Variants in ARHGEF28 observed in about 807,000 individuals in gnomAD.
ARHGEF28 encodes Rho guanine nucleotide exchange factor 28, also known as 190 kDa guanine nucleotide exchange factor.
In ARHGEF28, 152 loss-of-function variants were observed where a neutral mutation model predicts 206.6. The ratio of observed to expected loss-of-function variants is 0.74; its 90% CI spans 0.64 to 0.84. ARHGEF28 has a LOEUF of 0.84. ARHGEF28 is among the 40% of genes least tolerant of loss of function. ARHGEF28 has a pLI of 0.00. For missense variants in ARHGEF28, 2,028 were observed against 2,073.2 expected (o/e 0.98, Z 0.42); for synonymous variants, 763 against 776.4 (o/e 0.98, Z 0.29).
At chr5:73,853,668 T>C (rs531534802) in intron 14 of ARHGEF28, among the ~76,000 whole-genome samples, 141 of 152,322 alleles carry the variant, frequency 9.3e-4, no homozygotes, top group African/African-American at 3.2e-3. Flanking sequence ...AGGATGATGA[T>C]AGCAAAAGCA....
rs368089939 is a variant in ARHGEF28, at chr5:73,885,651, A to T, written c.3056-199A>T. Among the ~76,000 whole-genome samples the T allele has an allele frequency of 2.6e-5, 4 of 151,864 alleles. No homozygotes were observed. In the East Asian group the frequency reaches 7.8e-4, roughly 29 times the overall value. The stretch of plus-strand genomic sequence containing the variant: ...GCCACTATGCCTGGCTAATTTTTGT[A>T]TCTTTTTTGGTAGAAACAGGGTTTT... On this transcript the variant is annotated intron_variant, in intron 24 of 35. Coordinates refer to ENST00000513042, the MANE Select transcript of ARHGEF28 (RefSeq NM_001177693.2).
intron 1 of ARHGEF28, among the ~76,000 whole-genome samples, chr5:73,634,588 G>T (rs1183005612): frequency 6.6e-6 from 1 of 152,166 alleles, no homozygotes; most frequent in African/African-American, 2.4e-5. Flanking sequence ...AATGACATGT[G>T]CTTGTCTCCT....
At chr5:73,830,582 A>G (rs1001473696) in intron 9 of ARHGEF28, among the ~76,000 whole-genome samples, 1 of 150,658 alleles carries the variant, frequency 6.6e-6, no homozygotes, top group Non-Finnish European at 1.5e-5. Context: ...AAAAAAGAAA[A>G]TGTTTTTCTT....
chr5:73,858,304 A>G, intron 16 of ARHGEF28, 85 bp downstream of exon 16: 5 of 1,465,862 alleles, frequency 3.4e-6, no homozygotes, highest in Non-Finnish European at 4.5e-6. Flanking sequence ...CAATACATTT[A>G]CATAAACCTT....
At chr5:73,700,292 C>G (rs10515160) in intron 2 of ARHGEF28, among the ~76,000 whole-genome samples, 2 of 152,100 alleles carry the variant, frequency 1.3e-5, no homozygotes, top group African/African-American at 4.8e-5. Context: ...ATTGACGGAA[C>G]ACTTCTAGAA....
intron 2 of ARHGEF28, among the ~76,000 whole-genome samples, chr5:73,701,680 A>G (rs1748611909): frequency 6.6e-6 from 1 of 152,020 alleles, no homozygotes; most frequent in Non-Finnish European, 1.5e-5. Flanking sequence ...TTGTCATTTC[A>G]AGAATGTTAT....
At chr5:73,827,853 T>C (rs1349787913) in intron 9 of ARHGEF28, among the ~76,000 whole-genome samples, 5 of 152,252 alleles carry the variant, frequency 3.3e-5, no homozygotes, top group Admixed American at 3.3e-4. Context: ...CTGGTTCTTA[T>C]TGCAAATTAT....
chr5:73,822,062 T>C (rs1292878244), intron 9 of ARHGEF28, among the ~76,000 whole-genome samples: 1 of 152,158 alleles, frequency 6.6e-6, no homozygotes, highest in Non-Finnish European at 1.5e-5. Flanking sequence ...TTCAATAATG[T>C]TGATTAGTTC....
At chr5:73,642,890 C>T (rs758737496) in intron 1 of ARHGEF28, among the ~76,000 whole-genome samples, 3 of 152,200 alleles carry the variant, frequency 2.0e-5, no homozygotes, top group Admixed American at 6.5e-5. Context: ...TTGCTGCAGT[C>T]ACTGTTACAT....
chr5:73,940,849 G>T lies in ARHGEF28; in HGVS notation c.4954G>T (p.Asp1652Tyr), dbSNP rs1406781945. 2 of 1,491,548 alleles carry T rather than the reference G, an allele frequency of 1.3e-6. No individual in the cohort carries two copies. The highest frequency in any genetic ancestry group is 1.7e-4 in the Middle Eastern group (1 of 5,764). 92.4% of individuals were successfully genotyped at this position (1,491,548 alleles called of 1,614,324 possible). Residue 1652 changes from aspartate to tyrosine, a missense_variant, in exon 36 of 36, where the codon GAC becomes TAC. Physicochemically the swap from Asp to Tyr is radical, Grantham distance 160. Coordinates refer to ENST00000513042, the MANE Select transcript of ARHGEF28 (RefSeq NM_001177693.2). Reference sequence around the variant, plus strand: ...GTGCTGTCTGTTTCTTGCAGATTTGGACACCTCCCACACTGAGTCCCCAAC... The same window carrying T: ...GTGCTGTCTGTTTCTTGCAGATTTGTACACCTCCCACACTGAGTCCCCAAC... ...SSKDSCKNDL[D>Y]TSHTESPTPH...
intron 1 of ARHGEF28, among the ~76,000 whole-genome samples, chr5:73,682,057 C>T (rs1747139842): frequency 6.6e-6 from 1 of 152,252 alleles, no homozygotes; most frequent in African/African-American, 2.4e-5. Flanking sequence ...GCATTCCAGC[C>T]TGGATGACAG....
chr5:73,823,486 T>G (rs1490538815), intron 9 of ARHGEF28, among the ~76,000 whole-genome samples: 2 of 152,210 alleles, frequency 1.3e-5, no homozygotes, highest in African/African-American at 4.8e-5. Context: ...TTTTGTCACC[T>G]AGAAATAGCA....
At chr5:73,876,404 C>T (rs1425871325) in intron 22 of ARHGEF28, among the ~76,000 whole-genome samples, 1 of 102,976 alleles carries the variant, frequency 9.7e-6, no homozygotes, top group Non-Finnish European at 2.0e-5. Context: ...TAATTGAATA[C>T]CCTTTATTTC....
chr5:73,887,644 C>T lies in ARHGEF28; in HGVS notation c.3352C>T (p.Gln1118Ter), dbSNP rs1332509191. The T allele has an allele frequency of 6.4e-7, 1 of 1,574,050 alleles. No homozygotes were observed. Residue 1118 changes from glutamine (Q) to a stop codon, truncating the protein, a stop_gained, in exon 26 of 36, where the codon CAA (glutamine) becomes TAA (stop). Transcript: ENST00000513042. LOFTEE classifies it high-confidence loss of function. Reference protein sequence around the residue: ...LLLTDVLLFLQEKDQKYIFAA... With the variant: ...LLLTDVLLFL Reference sequence around the variant, plus strand: ...TCTAACTGATGTGCTGCTCTTTTTACAAGAAAAAGACCAGAAATACATCTT... The same window carrying T: ...TCTAACTGATGTGCTGCTCTTTTTATAAGAAAAAGACCAGAAATACATCTT...
At chr5:73,849,348 C>T (rs1758563232) in intron 13 of ARHGEF28, among the ~76,000 whole-genome samples, 1 of 152,040 alleles carries the variant, frequency 6.6e-6, no homozygotes, top group Non-Finnish European at 1.5e-5. Context: ...ATGTTTTCCT[C>T]AAGGATAGTG....
At chr5:73,832,263 T>G in intron 9 of ARHGEF28, 75 bp from the exon 10 acceptor site, 2 of 1,542,690 alleles carry the variant, frequency 1.3e-6, no homozygotes. Context: ...TTTCTTATGG[T>G]CTAAGAAGGT....
intron 26 of ARHGEF28, among the ~76,000 whole-genome samples, chr5:73,890,294 T>C (rs562624352): frequency 6.6e-6 from 1 of 152,222 alleles, no homozygotes; most frequent in Non-Finnish European, 1.5e-5. Context: ...CTGGTTCAAA[T>C]AATTGCACTC....
intron 20 of ARHGEF28, among the ~76,000 whole-genome samples, chr5:73,869,677 C>A (rs2973555): frequency 0.013 from 1,936 of 152,204 alleles, 31 homozygotes; most frequent in Non-Finnish European, 0.017. Context: ...GAGGCTGAGG[C>A]GGGTGGATCA....
At chr5:73,821,586 T>G (rs1053610145) in intron 9 of ARHGEF28, among the ~76,000 whole-genome samples, 1 of 152,158 alleles carries the variant, frequency 6.6e-6, no homozygotes, top group Non-Finnish European at 1.5e-5. Context: ...ATTAGTTTGT[T>G]TATATTTTTG....
Sources: gnomAD v4.1 joint callset for allele counts (sites outside exome capture counted in the v4.1 genomes callset) on GRCh38, gnomAD v4.1.1 for gene constraint, MANE v1.5 for transcripts, NCBI Gene and HGNC (gene_info 2026-07-23, HGNC 2026-07-21) for gene names.